MACROD1: variants seen among roughly 807,000 people sequenced by gnomAD.
MACROD1 encodes the protein mono-ADP ribosylhydrolase 1, also known as ADP-ribose glycohydrolase MACROD1.
In MACROD1, 31 loss-of-function variants were observed where a neutral mutation model predicts 41.4. That is an observed-to-expected ratio of 0.75 (90% CI 0.56 to 1.01). The LOEUF (loss-of-function observed/expected upper bound fraction) is 1.01. Ranked by LOEUF, MACROD1 falls within the 50% of genes least tolerant of loss-of-function variation. The probability of loss-of-function intolerance (pLI) is 0.00; values close to 1 mark genes in which losing one functional copy is unlikely to be tolerated. For synonymous variants in MACROD1, 252 were observed against 203.4 expected (o/e 1.24, Z -2.03); for missense variants, 473 against 460.0 (o/e 1.03, Z -0.26).
intron 3 of MACROD1, among the ~76,000 whole-genome samples, chr11:64,084,292 C>A (rs1334651764): frequency 6.6e-6 from 1 of 152,160 alleles, no homozygotes; most frequent in African/African-American, 2.4e-5. Flanking sequence ...TGGCCAGAGG[C>A]AGCAGGAACA....
At chr11:64,009,713 A>G (rs1942970633) in intron 4 of MACROD1, among the ~76,000 whole-genome samples, 1 of 151,880 alleles carries the variant, frequency 6.6e-6, no homozygotes. Context: ...CCTCCAGGTT[A>G]AGTCCCTTTA....
intron 3 of MACROD1, among the ~76,000 whole-genome samples, chr11:64,043,975 G>A (rs1943537451): frequency 6.6e-6 from 1 of 151,954 alleles, no homozygotes; most frequent in African/African-American, 2.4e-5. Context: ...CACCACGCCG[G>A]GCTAATTTTT....
Position 63,998,970 on chromosome 11 carries a change from G to A in MACROD1, c.958C>T (p.His320Tyr), listed in dbSNP as rs376765568. The change falls in exon 9 of 11, where the codon CAC becomes TAC. Residue 320 changes from histidine (H) to tyrosine (Y), a missense_variant. By Grantham distance (83) the His-to-Tyr change is moderately conservative. Coordinates refer to ENST00000255681, the MANE Select transcript of MACROD1 (RefSeq NM_014067.4). ...DEDIYRSRLP[H>Y]YFPVA The stretch of plus-strand genomic sequence containing the variant: ...GGGCACGTACCCACGGGGAAGTAGT[G>A]GGGGAGCCGGCTCCGGTAGATGTCC... 79 of 1,605,476 alleles carry A rather than the reference G, an allele frequency of 4.9e-5. No individual in the cohort carries two copies. Among genetic ancestry groups the A allele is most frequent in the African/African-American group, 2.5e-4 (19 of 74,740 alleles).
intron 1 of MACROD1, among the ~76,000 whole-genome samples, chr11:64,159,969 C>T (rs1406736241): frequency 6.6e-6 from 1 of 152,150 alleles, no homozygotes; most frequent in African/African-American, 2.4e-5. Context: ...AAATGAGCGT[C>T]AGCCTGGAGG....
intron 4 of MACROD1, among the ~76,000 whole-genome samples, chr11:64,007,468 C>T (rs933581993): frequency 1.3e-5 from 2 of 152,064 alleles, no homozygotes; most frequent in African/African-American, 2.4e-5. Flanking sequence ...GATGAGAGTC[C>T]GGGCGGAGAG....
intron 10 of MACROD1, 31 bp from the exon 11 acceptor site, chr11:63,998,718 T>C: frequency 1.4e-6 from 2 of 1,412,562 alleles, no homozygotes; most frequent in Non-Finnish European, 1.8e-6. Flanking sequence ...GAGGTGTCTA[T>C]GGGCGTCCCC....
intron 3 of MACROD1, among the ~76,000 whole-genome samples, chr11:64,121,723 G>A (rs1367033145): frequency 1.3e-5 from 2 of 152,198 alleles, no homozygotes; most frequent in African/African-American, 2.4e-5. Flanking sequence ...GGGCTCCCGT[G>A]CACAGCTGAC....
chr11:64,097,333 G>A (rs1944595010), intron 3 of MACROD1, among the ~76,000 whole-genome samples: 1 of 152,234 alleles, frequency 6.6e-6, no homozygotes, highest in African/African-American at 2.4e-5. Flanking sequence ...GAACTCCCAG[G>A]CCACCTCTGG....
intron 3 of MACROD1, among the ~76,000 whole-genome samples, chr11:64,052,942 A>T (rs1943720887): frequency 6.6e-6 from 1 of 152,200 alleles, no homozygotes; most frequent in South Asian, 2.1e-4. Flanking sequence ...CCTCACGGTC[A>T]GGGCCATCTC....
At chr11:64,023,874 T>C (rs1355646522) in intron 3 of MACROD1, among the ~76,000 whole-genome samples, 3 of 152,192 alleles carry the variant, frequency 2.0e-5, no homozygotes, top group Admixed American at 6.5e-5. Context: ...CAGTTCACTG[T>C]TTGAAATGGC....
At chr11:64,031,870 G>A (rs560046104) in intron 3 of MACROD1, among the ~76,000 whole-genome samples, 8 of 152,322 alleles carry the variant, frequency 5.3e-5, no homozygotes, top group Admixed American at 1.3e-4. Flanking sequence ...ATGCATTCGC[G>A]TGAACATCCC....
In MACROD1 at chr11:63,999,551, A is replaced by C; in HGVS notation, c.796T>G (p.Cys266Gly). The C allele has an allele frequency of 1.2e-6, 2 of 1,609,916 alleles. No homozygotes were observed. Among genetic ancestry groups the C allele is most frequent in the Non-Finnish European group, 1.7e-6 (2 of 1,178,678 alleles). Residue 266 changes from cysteine (C) to glycine (G), a missense_variant, in exon 7 of 11, where the codon TGC becomes GGC. Transcript: ENST00000255681. ...TCACCAAACACGCCGGTGGAGATGC[A>C]GGGGAACGCCTGGGCGGGGAGGGGT... ...EHRLRSVAFP[C>G]ISTGVFGYPC...
chr11:64,078,774 C>T (rs967686923), intron 3 of MACROD1, among the ~76,000 whole-genome samples: 4 of 143,698 alleles, frequency 2.8e-5, no homozygotes, highest in Admixed American at 1.4e-4. Flanking sequence ...ACCCAAAAGA[C>T]GGGTGACTGC....
intron 3 of MACROD1, among the ~76,000 whole-genome samples, chr11:64,142,585 A>G (rs776986009): frequency 1.7e-4 from 26 of 152,208 alleles, no homozygotes; most frequent in Non-Finnish European, 2.8e-4. Context: ...CGAGCCCACA[A>G]GGGCATCTCA....
chr11:64,097,676 G>A (rs558257144), intron 3 of MACROD1, among the ~76,000 whole-genome samples: 172 of 152,370 alleles, frequency 1.1e-3, no homozygotes, highest in African/African-American at 1.9e-3. Context: ...GCAGGCTCTC[G>A]CCTCCGCCTC....
chr11:64,146,780 A>G lies in MACROD1; in HGVS notation c.517+4459T>C, dbSNP rs935083179. ...TCACGCACACACACGCATCACACAC[A>G]TCATACAAATGCATACGCACACCCC... is the stretch of plus-strand genomic sequence containing the variant. On this transcript the variant is annotated intron_variant, in intron 3 of 10. Transcript: ENST00000255681. This position sits in a 1 kb window ranked among gnomAD's most constrained non-coding sequence, Gnocchi z 4.7. Among the ~76,000 whole-genome samples the G allele has an allele frequency of 1.3e-5, 2 of 151,068 alleles. No homozygotes were observed. The highest frequency in any genetic ancestry group is 4.9e-5 in the African/African-American group (2 of 41,030).
At chr11:64,011,422 C>A (rs1239880012) in intron 4 of MACROD1, among the ~76,000 whole-genome samples, 1 of 151,710 alleles carries the variant, frequency 6.6e-6, no homozygotes, top group Admixed American at 6.6e-5. Context: ...GACTGGCAGT[C>A]CCCAGGGTGA....
At position 64,082,264 on chromosome 11, in the gene MACROD1, TG is replaced by T. The variant is rs992594968; in HGVS notation, c.518-66984del. ...CTGCTTAGCAGAGGATGGCTGAGCC[TG>T]GGGGGTGGAGAAAATCTTGCCTCCT... On this transcript the variant is annotated intron_variant, in intron 3 of 10. Transcript: ENST00000255681. This position sits in a 1 kb window ranked among gnomAD's most constrained non-coding sequence, Gnocchi z 4.5. Among the ~76,000 whole-genome samples, 1 of 151,778 alleles carries T rather than the reference TG, an allele frequency of 6.6e-6. No individual in the cohort carries two copies. Among genetic ancestry groups the T allele is most frequent in the South Asian group, 2.1e-4 (1 of 4,796 alleles).
intron 3 of MACROD1, among the ~76,000 whole-genome samples, chr11:64,022,925 G>C (rs1244664700): frequency 2.1e-5 from 3 of 145,166 alleles, no homozygotes; most frequent in Non-Finnish European, 4.5e-5. Context: ...ACAGTAGTGC[G>C]ATCTCAGCTC....
Sources: allele counts gnomAD v4.1 joint callset (sites outside exome capture counted in the v4.1 genomes callset), GRCh38; gene constraint gnomAD v4.1.1; non-coding constraint Gnocchi (gnomAD v3.1); transcripts MANE v1.5; gene names NCBI Gene and HGNC (gene_info 2026-07-23, HGNC 2026-07-21).